Variants in MUC17 observed in about 807,000 individuals in gnomAD.
MUC17 encodes mucin-17.
In MUC17, 190 loss-of-function variants were observed where a neutral mutation model predicts 170.3. The observed-to-expected ratio is 1.12, with a 90% CI of 0.99 to 1.26. MUC17 has a LOEUF of 1.26. Ranked by LOEUF, MUC17 falls within the 50% of genes most tolerant of loss-of-function variation. The probability of loss-of-function intolerance (pLI) is 0.00; values close to 1 mark genes in which losing one functional copy is unlikely to be tolerated. For missense variants in MUC17, 6,415 were observed against 5,530.0 expected (o/e 1.16, Z -5.08); for synonymous variants, 2,325 against 2,002.5 (o/e 1.16, Z -4.30).
chr7:101,036,999 G>A lies in MUC17; in HGVS notation c.5583G>A (p.Thr1861=), dbSNP rs141016213. ...PAEGTSIATS[T]PSEGSTALTS... ...AAGGTACCAGCATAGCAACCTCAAC[G>A]CCTAGTGAAGGAAGCACTGCATTAA... Residue 1861 remains threonine, a synonymous_variant, in exon 3 of 13, where the codon ACG becomes ACA. Coordinates refer to ENST00000306151, the MANE Select transcript of MUC17 (RefSeq NM_001040105.2). 49 of 1,577,696 alleles carry A rather than the reference G, an allele frequency of 3.1e-5. No homozygotes were observed. The highest frequency in any genetic ancestry group is 2.3e-4 in the Admixed American group (13 of 57,760).
chr7:101,039,142 T>G lies in MUC17; in HGVS notation c.7726T>G (p.Leu2576Val), dbSNP rs571249507. 6.2e-7 allele frequency: 1 copy of G among 1,613,364 alleles called. No individual in the cohort carries two copies. The highest frequency in any genetic ancestry group is 1.1e-5 in the South Asian group (1 of 91,050). ...AACTTATAGTGAAGGAAGCACTCCA[T>G]TAAGAAGTATGCCTGTCAGCACCAA... ...TSTYSEGSTPLRSMPVSTKPL... is the reference protein window; with the variant it reads ...TSTYSEGSTPVRSMPVSTKPL... The change falls in exon 3 of 13, where the codon TTA becomes GTA. Residue 2576 changes from leucine to valine, a missense_variant. Coordinates refer to ENST00000306151, the MANE Select transcript of MUC17 (RefSeq NM_001040105.2).
In MUC17 at chr7:101,035,576, C is replaced by G; in HGVS notation, c.4160C>G (p.Pro1387Arg). The G allele has an allele frequency of 6.2e-7, 1 of 1,602,230 alleles. No individual in the cohort carries two copies. The highest frequency in any genetic ancestry group is 8.5e-7 in the Non-Finnish European group (1 of 1,173,402). ...ACAACTTCTGAAGGTACCAGCATGC[C>G]AAACTCAAATCCTAGTGAAGGAACC... ...SPTTSEGTSM[P>R]NSNPSEGTTP... The change falls in exon 3 of 13, where the codon CCA becomes CGA. Residue 1387 changes from proline to arginine, a missense_variant. Pro to Arg is a moderately radical substitution (Grantham distance 103, BLOSUM62 -2). Transcript: ENST00000306151.
chr7:101,055,543 C>G (rs574436357), intron 11 of MUC17, among the ~76,000 whole-genome samples: 1 of 152,202 alleles, frequency 6.6e-6, no homozygotes, highest in Admixed American at 6.5e-5. Flanking sequence ...ACTGACAAAG[C>G]TGCAAGAAAA....
rs1254231533 is a variant in MUC17 at position 101,033,436 on chromosome 7, G to C, written c.2020G>C (p.Glu674Gln). ...AGCCACTTCATCTTCTACAACTGCG[G>C]AAGGTACCAGCATGCCAACCTCAAC... ...TEATSSSTTA[E>Q]GTSMPTSTYT... Residue 674 changes from glutamate (E) to glutamine (Q), a missense_variant, in exon 3 of 13, where the codon GAA (glutamate) becomes CAA (glutamine). Physicochemically the swap from Glu to Gln is conservative, Grantham distance 29 (BLOSUM62 2). Transcript: ENST00000306151. The C allele has an allele frequency of 8.1e-6, 13 of 1,613,350 alleles. No individual in the cohort carries two copies. The highest frequency in any genetic ancestry group is 1.7e-6 in the Non-Finnish European group (2 of 1,179,724).
chr7:101,038,249 C>A lies in MUC17; in HGVS notation c.6833C>A (p.Thr2278Lys). 1.2e-6 allele frequency: 2 copies of A among 1,613,112 alleles called. No individual in the cohort carries two copies. Among genetic ancestry groups the A allele is most frequent in the South Asian group, 1.1e-5 (1 of 91,022 alleles). The part of the protein sequence containing the change: ...SIPTSTLSEG[T>K]TPLTSIPVSH... ...CCAACTTCAACTCTTAGTGAAGGAA[C>A]GACTCCATTAACAAGTATACCTGTC... The change falls in exon 3 of 13, where the codon ACG becomes AAG. Residue 2278 changes from threonine to lysine, a missense_variant. Transcript: ENST00000306151.
Position 101,048,825 on chromosome 7 carries a change from A to C in MUC17, c.12536-20A>C, listed in dbSNP as rs771223854. 1 of 1,613,828 alleles carries C rather than the reference A, an allele frequency of 6.2e-7. No individual in the cohort carries two copies. Among genetic ancestry groups the C allele is most frequent in the East Asian group, 2.2e-5 (1 of 44,872 alleles). On this transcript the variant is annotated intron_variant, in intron 4 of 12. Transcript: ENST00000306151. ...TAGGAAACTCAGAGATGCTTTGCTC[A>C]GTAAGTCTACCCGCCTCAGGGCCAC...
At chr7:101,026,073 C>T (rs1247824077) in intron 1 of MUC17, among the ~76,000 whole-genome samples, 1 of 152,206 alleles carries the variant, frequency 6.6e-6, no homozygotes, top group African/African-American at 2.4e-5. Flanking sequence ...TGTCCAAGTC[C>T]CAGTCCCTTC....
At chr7:101,048,440 A>C (rs1463280885) in intron 4 of MUC17, among the ~76,000 whole-genome samples, 1 of 151,828 alleles carries the variant, frequency 6.6e-6, no homozygotes, top group Non-Finnish European at 1.5e-5. Context: ...TTAAAAAAAA[A>C]AAAAACTTGA....
chr7:101,042,632 A>G lies in MUC17; in HGVS notation c.11216A>G (p.Asp3739Gly). The change falls in exon 3 of 13, where the codon GAC becomes GGC. Residue 3739 changes from aspartate (D) to glycine (G), a missense_variant. By Grantham distance (94) the Asp-to-Gly change is moderately conservative. Coordinates refer to ENST00000306151, the MANE Select transcript of MUC17 (RefSeq NM_001040105.2). ...TEAISSSATL[D>G]STTMSVSMPM... Reference sequence around the variant, plus strand: ...GCCATTTCATCTTCTGCAACTCTTGACAGCACCACCATGTCTGTGTCAATG... The same window carrying G: ...GCCATTTCATCTTCTGCAACTCTTGGCAGCACCACCATGTCTGTGTCAATG... 1 of 1,614,034 alleles carries G rather than the reference A, an allele frequency of 6.2e-7. No individual in the cohort carries two copies. The highest frequency in any genetic ancestry group is 8.5e-7 in the Non-Finnish European group (1 of 1,180,022).
In MUC17 at chr7:101,036,749, C is replaced by A. The variant is rs112202969; in HGVS notation, c.5333C>A (p.Thr1778Asn). Residue 1778 changes from threonine to asparagine, a missense_variant, in exon 3 of 13, where the codon ACC becomes AAC. Transcript: ENST00000306151. ...TLSATPIDTSTPVTTSTEATS... is the reference protein window; with the variant it reads ...TLSATPIDTSNPVTTSTEATS... ...TCAGCAACTCCTATTGACACCAGCA[C>A]CCCTGTGACCACTTCTACTGAAGCC... is the stretch of plus-strand genomic sequence containing the variant. The A allele has an allele frequency of 1.0e-4, 168 of 1,612,166 alleles. No homozygotes were observed. In the African/African-American group the frequency reaches 1.8e-3, roughly 17 times the overall value.
intron 6 of MUC17, 27 bp downstream of exon 6, chr7:101,049,409 G>C: frequency 6.2e-7 from 1 of 1,601,042 alleles, no homozygotes. Flanking sequence ...TTGGGAAGAG[G>C]GTCTGTGGCG....
In MUC17 at chr7:101,048,935, A is replaced by G. The variant is rs1217883501; in HGVS notation, c.12626A>G (p.Gln4209Arg). ...FTEELKNHSS[Q>R]EFQEFKQTFT... is the part of the protein sequence containing the mutation. ...GAAGAGCTAAAAAACCACTCTTCCCAGGAATTCCAGGAGTTCAAACAGACA... is the reference window on the plus strand; with the variant it reads ...GAAGAGCTAAAAAACCACTCTTCCCGGGAATTCCAGGAGTTCAAACAGACA... Residue 4209 changes from glutamine to arginine, a missense_variant, in exon 5 of 13, where the codon CAG becomes CGG. Transcript: ENST00000306151. 2 of 1,614,036 alleles carry G rather than the reference A, an allele frequency of 1.2e-6. No individual in the cohort carries two copies. The highest frequency in any genetic ancestry group is 2.2e-5 in the East Asian group (1 of 44,866).
chr7:101,037,436 C>T lies in MUC17; in HGVS notation c.6020C>T (p.Thr2007Ile), dbSNP rs764935591. ...VVSSEASTLS[T>I]TPVDTSTPAT... ...AGTTCTGAGGCTAGCACTCTTTCCACAACTCCTGTTGACACCAGCACTCCT... is the reference window on the plus strand; with the variant it reads ...AGTTCTGAGGCTAGCACTCTTTCCATAACTCCTGTTGACACCAGCACTCCT... The change falls in exon 3 of 13, where the codon ACA becomes ATA. Residue 2007 changes from threonine to isoleucine, a missense_variant. Transcript: ENST00000306151. 1.4e-5 allele frequency: 23 copies of T among 1,611,040 alleles called. No homozygotes were observed. Among genetic ancestry groups the T allele is most frequent in the Non-Finnish European group, 1.9e-5 (22 of 1,178,154 alleles).
chr7:101,047,944 G>A (rs1219788402), intron 3 of MUC17, 40 bp from the exon 4 acceptor site: 6 of 1,537,618 alleles, frequency 3.9e-6, no homozygotes, highest in East Asian at 2.4e-5. Flanking sequence ...GTGCCTCAAT[G>A]GAGGAACTTG....
Position 101,031,236 on chromosome 7 carries a change from T to G in MUC17, c.184+15T>G. The stretch of plus-strand genomic sequence containing the variant: ...CGTTAGGACAGGTAAGGCAACAGAC[T>G]CCAAGATCTATCTGGGAAGGTGGCT... On this transcript the variant is annotated intron_variant, in intron 2 of 12. Transcript: ENST00000306151. 1.2e-6 allele frequency: 2 copies of G among 1,606,170 alleles called. No individual in the cohort carries two copies. Among genetic ancestry groups the G allele is most frequent in the African/African-American group, 1.3e-5 (1 of 74,790 alleles).
chr7:101,020,478 G>A (rs778851525), intron 1 of MUC17, among the ~76,000 whole-genome samples: 53 of 151,962 alleles, frequency 3.5e-4, no homozygotes, highest in Non-Finnish European at 7.4e-4. Context: ...TCTCCCCTCC[G>A]GAAAGTAAGA....
intron 3 of MUC17, among the ~76,000 whole-genome samples, chr7:101,046,453 G>A (rs1794842826): frequency 6.6e-6 from 1 of 152,148 alleles, no homozygotes; most frequent in Non-Finnish European, 1.5e-5. Flanking sequence ...TAAACTAAGA[G>A]GAGTTTATTT....
chr7:101,053,049 T>A lies in MUC17; in HGVS notation c.13167T>A (p.Ser4389Arg), dbSNP rs757588804. The A allele has an allele frequency of 6.2e-7, 1 of 1,613,624 alleles. No individual in the cohort carries two copies. The highest frequency in any genetic ancestry group is 1.7e-5 in the Admixed American group (1 of 59,954). The part of the protein sequence containing the change: ...GETCNQGTQK[S>R]LVYGLVGAGV... ...CCTGTAACCAGGGCACCCAGAAGAG[T>A]CTGGTGTACGGCCTCGTGGGGGCAG... Residue 4389 changes from serine to arginine, a missense_variant, in exon 10 of 13, where the codon AGT becomes AGA. Ser to Arg is a moderately radical substitution (Grantham distance 110). Coordinates refer to ENST00000306151, the MANE Select transcript of MUC17 (RefSeq NM_001040105.2).
rs994031572 is a variant in MUC17 at position 101,038,805 on chromosome 7, C to G, written c.7389C>G (p.Val2463=). 2 of 1,612,712 alleles carry G rather than the reference C, an allele frequency of 1.2e-6. No homozygotes were observed. The highest frequency in any genetic ancestry group is 3.3e-5 in the Admixed American group (2 of 59,734). The change falls in exon 3 of 13, where the codon GTC becomes GTG. Residue 2463 remains valine, a synonymous_variant. Transcript: ENST00000306151. The part of the protein sequence containing the change: ...EGTTPLASMP[V]STTPVVSSEA... ...CCACTCCGTTAGCAAGTATGCCTGT[C>G]AGCACCACGCCGGTGGTCAGTTCTG...
Sources: gnomAD v4.1 joint callset for allele counts (sites outside exome capture counted in the v4.1 genomes callset) on GRCh38, gnomAD v4.1.1 for gene constraint, MANE v1.5 for transcripts, NCBI Gene and HGNC (gene_info 2026-07-23, HGNC 2026-07-21) for gene names.